Variants in BTBD9 observed in about 807,000 individuals in gnomAD.
BTBD9 encodes BTB domain containing 9, also known as BTB/POZ domain-containing protein 9.
Under a neutral mutation model 64.3 loss-of-function variants are expected in BTBD9, and 49 were observed. The observed-to-expected ratio is 0.76, with a 90% CI of 0.61 to 0.97. BTBD9 has a LOEUF of 0.97. BTBD9 is among the 50% of genes least tolerant of loss of function. The probability of loss-of-function intolerance (pLI) is 0.00; values close to 1 mark genes in which losing one functional copy is unlikely to be tolerated. For missense variants in BTBD9, 598 were observed against 762.1 expected, an observed-to-expected ratio of 0.78 and a Z score of 2.53; for synonymous variants, 260 against 274.7, an observed-to-expected ratio of 0.95 and a Z score of 0.53.
intron 6 of BTBD9, among the ~76,000 whole-genome samples, chr6:38,548,334 G>T (rs1292628635): frequency 2.0e-5 from 3 of 152,134 alleles, no homozygotes; most frequent in Non-Finnish European, 2.9e-5. Flanking sequence ...GTATGCCATT[G>T]GAATCATCTC....
Position 38,354,155 on chromosome 6 carries a change from G to A in BTBD9, c.1155-9062C>T, listed in dbSNP as rs927508678. 5.3e-5 allele frequency among the ~76,000 whole-genome samples: 8 copies of A among 152,024 alleles called. No homozygotes were observed. In the East Asian group the frequency reaches 1.5e-3, roughly 29 times the overall value. On this transcript the variant is annotated intron_variant, in intron 6 of 10. Coordinates refer to ENST00000481247, the MANE Select transcript of BTBD9 (RefSeq NM_001099272.2). ...AATCAGAACAGGAATTGCCCAAGAT[G>A]GCTTAAAAAACAGAAGTGAAAACTA...
chr6:38,301,741 C>G (rs567524415), intron 7 of BTBD9, among the ~76,000 whole-genome samples: 40 of 151,914 alleles, frequency 2.6e-4, no homozygotes, highest in Non-Finnish European at 4.4e-5. Context: ...CTATTTGATT[C>G]TTCTCTCTTT....
intron 6 of BTBD9, among the ~76,000 whole-genome samples, chr6:38,522,061 T>C (rs1000675851): frequency 6.6e-6 from 1 of 152,106 alleles, no homozygotes; most frequent in Admixed American, 6.5e-5. Flanking sequence ...CAAGACAACA[T>C]CCCACTGCCC....
At chr6:38,269,879 T>A (rs959191696) in intron 8 of BTBD9, among the ~76,000 whole-genome samples, 3 of 152,072 alleles carry the variant, frequency 2.0e-5, no homozygotes, top group Non-Finnish European at 2.9e-5. Flanking sequence ...TTCACCAGAG[T>A]GTACTGGGCA....
intron 6 of BTBD9, among the ~76,000 whole-genome samples, chr6:38,361,682 A>C (rs1764967777): frequency 6.6e-6 from 1 of 152,098 alleles, no homozygotes; most frequent in Admixed American, 6.5e-5. Context: ...TTCTACTAAA[A>C]ATACAAAATT....
intron 6 of BTBD9, among the ~76,000 whole-genome samples, chr6:38,499,445 T>C (rs951960783): frequency 2.0e-5 from 3 of 152,250 alleles, no homozygotes; most frequent in African/African-American, 7.2e-5. Flanking sequence ...AGCTAATTAA[T>C]TGTCAAGCAT....
intron 6 of BTBD9, among the ~76,000 whole-genome samples, chr6:38,543,737 C>T (rs9394514): frequency 0.076 from 11,517 of 152,082 alleles, 1,043 homozygotes; most frequent in East Asian, 0.23. Context: ...ACGGGCGGAT[C>T]ACGAGGTCAG....
chr6:38,194,661 C>T (rs1365523404), intron 9 of BTBD9, among the ~76,000 whole-genome samples: 1 of 152,138 alleles, frequency 6.6e-6, no homozygotes, highest in East Asian at 1.9e-4. Flanking sequence ...ACTCCTCCCT[C>T]CAAGATGTAG....
intron 2 of BTBD9, among the ~76,000 whole-genome samples, chr6:38,597,558 C>T (rs935778949): frequency 2.6e-5 from 4 of 152,180 alleles, no homozygotes; most frequent in African/African-American, 4.8e-5. Context: ...GTCCACAGGG[C>T]AGTCTACCTA....
chr6:38,528,924 T>C (rs1329750716), intron 6 of BTBD9, among the ~76,000 whole-genome samples: 1 of 152,108 alleles, frequency 6.6e-6, no homozygotes, highest in African/African-American at 2.4e-5. Flanking sequence ...AAATGGGACA[T>C]TGTCTTGCAG....
At chr6:38,303,932 C>CGT (rs368230606) in intron 7 of BTBD9, among the ~76,000 whole-genome samples, 3,784 of 119,012 alleles carry the variant, frequency 0.032, 76 homozygotes, top group African/African-American at 0.061. Context: ...TATATATACA[C>CGT]GTGTGTGTGT....
intron 8 of BTBD9, among the ~76,000 whole-genome samples, chr6:38,276,645 A>C (rs957648440): frequency 6.6e-6 from 1 of 152,208 alleles, no homozygotes; most frequent in Non-Finnish European, 1.5e-5. Flanking sequence ...CCCGAAAGTC[A>C]GGAATACTCA....
chr6:38,408,051 G>A (rs1767246403), intron 6 of BTBD9, among the ~76,000 whole-genome samples: 1 of 152,096 alleles, frequency 6.6e-6, no homozygotes, highest in African/African-American at 2.4e-5. Flanking sequence ...ACACTTGAAG[G>A]ACACGATTTA....
intron 9 of BTBD9, among the ~76,000 whole-genome samples, chr6:38,214,527 C>T (rs556964920): frequency 6.6e-6 from 1 of 152,288 alleles, no homozygotes; most frequent in African/African-American, 2.4e-5. Flanking sequence ...CTGAGAGAGG[C>T]TAAAGGTGTG....
intron 6 of BTBD9, among the ~76,000 whole-genome samples, chr6:38,374,295 A>ACATATATATATATATATATATATACG (rs1765564427): frequency 2.5e-5 from 2 of 80,782 alleles, no homozygotes; most frequent in African/African-American, 7.2e-5. Flanking sequence ...ATATATATAT[A>ACATATATATATATATATATATATACG]TGTATATATA....
chr6:38,239,300 C>T (rs12055689), intron 9 of BTBD9, among the ~76,000 whole-genome samples: 13,556 of 151,854 alleles, frequency 0.089, 1,058 homozygotes, highest in East Asian at 0.45. Context: ...ATTAGCTGGG[C>T]GTGGTGGCGC....
At chr6:38,479,484 A>G (rs1409224471) in intron 6 of BTBD9, among the ~76,000 whole-genome samples, 1 of 152,186 alleles carries the variant, frequency 6.6e-6, no homozygotes, top group Non-Finnish European at 1.5e-5. Context: ...AGTTATTACA[A>G]TCTTTGGAAG....
intron 6 of BTBD9, among the ~76,000 whole-genome samples, chr6:38,419,722 T>C (rs1767821599): frequency 6.6e-6 from 1 of 151,878 alleles, no homozygotes; most frequent in African/African-American, 2.4e-5. Flanking sequence ...AATACAAAAT[T>C]AGCCGGTTGT....
chr6:38,381,275 G>A (rs1416574862), intron 6 of BTBD9, among the ~76,000 whole-genome samples: 1 of 152,036 alleles, frequency 6.6e-6, no homozygotes, highest in Non-Finnish European at 1.5e-5. Context: ...GAAACTAAAG[G>A]TATGGAAAAA....
Sources: allele counts gnomAD v4.1 joint callset (sites outside exome capture counted in the v4.1 genomes callset), GRCh38; gene constraint gnomAD v4.1.1; transcripts MANE v1.5; gene names NCBI Gene and HGNC (gene_info 2026-07-23, HGNC 2026-07-21).